The following HTR1E variants were observed in gnomAD, a reference collection of about 807,000 sequenced individuals.
The protein encoded by HTR1E is 5-HT-1E.
A neutral mutation model predicts 3.4 loss-of-function variants in HTR1E; 3 were observed. The observed-to-expected ratio is 0.89, with a 90% CI of 0.41 to 2.31. HTR1E has a LOEUF of 2.31. HTR1E is among the 30% of genes most tolerant of loss of function. HTR1E has a pLI of 0.05. For synonymous variants in HTR1E, 170 were observed against 182.8 expected, an observed-to-expected ratio of 0.93 and a Z score of 0.56; for missense variants, 392 against 467.0, an observed-to-expected ratio of 0.84 and a Z score of 1.48.
Position 86,994,475 on chromosome 6 carries a change from A to AT in HTR1E, c.-185-20670dup, listed in dbSNP as rs563109713. Among the ~76,000 whole-genome samples the AT allele has an allele frequency of 2.2e-3, 341 of 152,210 alleles. 1 individual carries two copies. The highest frequency in any genetic ancestry group is 7.8e-3 in the African/African-American group (326 of 41,542). On this transcript the variant is annotated intron_variant, in intron 1 of 1. Transcript: ENST00000305344. ...GGAGACCAGAAAATCCTGGCACAACATTTTTCAAGTGCTCACAGAAAAGAA... is the reference window on the plus strand; with the variant it reads ...GGAGACCAGAAAATCCTGGCACAACATTTTTTCAAGTGCTCACAGAAAAGAA...
intron 1 of HTR1E, chr6:86,971,313 A>T (rs1023482128): frequency 7.7e-5 from 16 of 209,054 alleles, no homozygotes; most frequent in Non-Finnish European, 1.3e-4. Context: ...TCTCTGTTAG[A>T]ACTGATTATT....
intron 1 of HTR1E, among the ~76,000 whole-genome samples, chr6:86,976,231 G>C (rs976635206): frequency 6.6e-6 from 1 of 152,110 alleles, no homozygotes; most frequent in Non-Finnish European, 1.5e-5. Flanking sequence ...GGAAAGAGGT[G>C]ATCTGGGAGA....
intron 1 of HTR1E, among the ~76,000 whole-genome samples, chr6:86,980,112 G>A (rs1256476844): frequency 1.3e-5 from 2 of 152,186 alleles, no homozygotes; most frequent in African/African-American, 4.8e-5. Context: ...GGTCGGCCAG[G>A]CGCGGTGGCT....
At chr6:86,961,764 C>T (rs951229940) in intron 1 of HTR1E, among the ~76,000 whole-genome samples, 2 of 152,168 alleles carry the variant, frequency 1.3e-5, no homozygotes, top group African/African-American at 4.8e-5. Flanking sequence ...TATGCACATG[C>T]AAATATACAT....
intron 1 of HTR1E, among the ~76,000 whole-genome samples, chr6:86,949,765 A>C (rs1767200662): frequency 6.6e-6 from 1 of 152,170 alleles, no homozygotes; most frequent in South Asian, 2.1e-4. Flanking sequence ...TTTTATTATT[A>C]TAATTTCTAC....
intron 1 of HTR1E, among the ~76,000 whole-genome samples, chr6:86,985,900 T>C (rs1767778734): frequency 6.6e-6 from 1 of 152,194 alleles, no homozygotes; most frequent in Non-Finnish European, 1.5e-5. Context: ...CTGGAAACCA[T>C]ATGTTGTCAG....
intron 1 of HTR1E, among the ~76,000 whole-genome samples, chr6:86,972,940 T>TTTACA (rs1306854949): frequency 6.6e-6 from 1 of 152,196 alleles, no homozygotes; most frequent in African/African-American, 2.4e-5. Context: ...GCAGGCAGAT[T>TTTACA]AGGTAAACAG....
At chr6:86,999,859 C>G (rs971078952) in intron 1 of HTR1E, among the ~76,000 whole-genome samples, 1 of 152,206 alleles carries the variant, frequency 6.6e-6, no homozygotes, top group Admixed American at 6.5e-5. Context: ...CTGCATGATA[C>G]TGGAGTGCTC....
chr6:87,010,968 T>C (rs1431069251), intron 1 of HTR1E, among the ~76,000 whole-genome samples: 2 of 152,262 alleles, frequency 1.3e-5, no homozygotes. Flanking sequence ...TGGATTCCAA[T>C]GATTGCATAA....
At chr6:86,965,818 A>G (rs912120977) in intron 1 of HTR1E, among the ~76,000 whole-genome samples, 2 of 152,322 alleles carry the variant, frequency 1.3e-5, no homozygotes, top group Middle Eastern at 3.4e-3. Context: ...ATGCAAAGGC[A>G]TAAGAATGAT....
chr6:86,980,247 C>T (rs528225661), intron 1 of HTR1E, among the ~76,000 whole-genome samples: 1 of 152,042 alleles, frequency 6.6e-6, no homozygotes, highest in South Asian at 2.1e-4. Flanking sequence ...AATAGCCGGG[C>T]ATGGTGGCGG....
chr6:86,964,122 T>A (rs1172766995), intron 1 of HTR1E, among the ~76,000 whole-genome samples: 1 of 152,140 alleles, frequency 6.6e-6, no homozygotes, highest in Non-Finnish European at 1.5e-5. Flanking sequence ...GCTAGGGAAG[T>A]CTTCCTGACA....
At chr6:86,993,399 C>T (rs912254079) in intron 1 of HTR1E, among the ~76,000 whole-genome samples, 1 of 152,038 alleles carries the variant, frequency 6.6e-6, no homozygotes, top group South Asian at 2.1e-4. Flanking sequence ...AAACTAAATG[C>T]CTTCAGCAGC....
At chr6:86,999,561 A>G (rs1767989915) in intron 1 of HTR1E, among the ~76,000 whole-genome samples, 1 of 152,210 alleles carries the variant, frequency 6.6e-6, no homozygotes, top group Non-Finnish European at 1.5e-5. Context: ...TAGAAAAACT[A>G]TTAGAGTAAT....
chr6:86,978,763 C>A (rs1767673387), intron 1 of HTR1E, among the ~76,000 whole-genome samples: 1 of 152,196 alleles, frequency 6.6e-6, no homozygotes, highest in South Asian at 2.1e-4. Flanking sequence ...TAGGCCTTCA[C>A]AGCTTCCCTG....
At chr6:86,955,343 A>T (rs1229888738) in intron 1 of HTR1E, among the ~76,000 whole-genome samples, 2 of 151,742 alleles carry the variant, frequency 1.3e-5, no homozygotes, top group Non-Finnish European at 2.9e-5. Flanking sequence ...TGCATGCGGT[A>T]GCACCTTAAA....
chr6:87,002,301 G>C (rs547419745), intron 1 of HTR1E, among the ~76,000 whole-genome samples: 35 of 152,334 alleles, frequency 2.3e-4, no homozygotes, highest in African/African-American at 8.4e-4. Flanking sequence ...GCGAAGCCAT[G>C]GACTTGGTGG....
At chr6:86,956,773 G>T (rs1358783510) in intron 1 of HTR1E, among the ~76,000 whole-genome samples, 2 of 152,008 alleles carry the variant, frequency 1.3e-5, no homozygotes. Context: ...GTCAGAGCTG[G>T]GCTACTACTT....
At chr6:86,956,468 A>G (rs373566165) in intron 1 of HTR1E, among the ~76,000 whole-genome samples, 7 of 152,292 alleles carry the variant, frequency 4.6e-5, no homozygotes, top group African/African-American at 1.2e-4. Context: ...CCAATTGCCA[A>G]TCAGAAAATC....
Sources: gnomAD v4.1 joint callset for allele counts (sites outside exome capture counted in the v4.1 genomes callset) on GRCh38, gnomAD v4.1.1 for gene constraint, MANE v1.5 for transcripts, NCBI Gene and HGNC (gene_info 2026-07-23, HGNC 2026-07-21) for gene names.